The following HARS1 variants were observed in gnomAD, a reference collection of about 807,000 sequenced individuals.
HARS1 encodes the protein histidyl-tRNA synthetase 1.
Under a neutral mutation model 63.6 loss-of-function variants are expected in HARS1, and 45 were observed. The ratio of observed to expected loss-of-function variants is 0.71; its 90% CI spans 0.56 to 0.91. The LOEUF is 0.91. HARS1 is among the 40% of genes least tolerant of loss of function. The pLI, the probability that HARS1 is intolerant of heterozygous loss-of-function variation, is 0.00. For synonymous variants in HARS1, 205 were observed against 247.1 expected, an observed-to-expected ratio of 0.83 and a Z score of 1.60; for missense variants, 508 against 643.2, an observed-to-expected ratio of 0.79 and a Z score of 2.27.
chr5:140,687,631 ATTAAT>A (rs1418818896), intron 2 of HARS1: 10 of 152,106 alleles, frequency 6.6e-5, no homozygotes, highest in Admixed American at 3.9e-4. Flanking sequence ...TAATTAATTA[ATTAAT>A]TTATTTATTT....
At chr5:140,689,359 C>G (rs1285993121) in intron 2 of HARS1, among the ~76,000 whole-genome samples, 1 of 152,170 alleles carries the variant, frequency 6.6e-6, no homozygotes, top group Non-Finnish European at 1.5e-5. Flanking sequence ...TTTAAATAGT[C>G]TCTAGAGTGT....
chr5:140,681,052 C>T (rs1758701442), intron 3 of HARS1, among the ~76,000 whole-genome samples: 1 of 151,962 alleles, frequency 6.6e-6, no homozygotes, highest in Non-Finnish European at 1.5e-5. Flanking sequence ...CAGTCCTTGC[C>T]CTGTGATGTC....
chr5:140,684,303 A>C, intron 2 of HARS1: 2 of 950,264 alleles, frequency 2.1e-6, no homozygotes, highest in African/African-American at 3.7e-5. Context: ...AAAAACAAAA[A>C]CAAAAACAAA....
chr5:140,680,086 A>G (rs1220312786), intron 3 of HARS1, among the ~76,000 whole-genome samples: 1 of 151,964 alleles, frequency 6.6e-6, no homozygotes. Flanking sequence ...ACAGAGCTGA[A>G]GTATTTTTCT....
chr5:140,682,422 G>C (rs989590819), intron 3 of HARS1, among the ~76,000 whole-genome samples: 2 of 152,190 alleles, frequency 1.3e-5, no homozygotes, highest in African/African-American at 2.4e-5. Context: ...AAAATAGCAT[G>C]AGATGAGGTA....
intron 12 of HARS1, 119 bp downstream of exon 12, chr5:140,674,560 G>A (rs1758242143): frequency 8.7e-7 from 1 of 1,155,254 alleles, no homozygotes. Context: ...AAGCCCTCAA[G>A]GCTTTTATGA....
In HARS1 at chr5:140,676,712, C is replaced by G. The variant is rs1758384765; in HGVS notation, c.1136G>C (p.Cys379Ser). The G allele has an allele frequency of 6.2e-7, 1 of 1,614,238 alleles. No homozygotes were observed. Among genetic ancestry groups the G allele is most frequent in the Non-Finnish European group, 8.5e-7 (1 of 1,180,046 alleles). Residue 379 changes from cysteine to serine, a missense_variant, in exon 10 of 13, where the codon TGT becomes TCT. This residue lies in a region of HARS1 where 403 missense variants were observed against 548.7 expected (regional missense o/e 0.73). Coordinates refer to ENST00000504156, the MANE Select transcript of HARS1 (RefSeq NM_002109.6). This position sits in a 1 kb window ranked among gnomAD's most constrained non-coding sequence, Gnocchi z 4.1. ...MFDPKGRKVP[C>S]VGLSIGVERI... ...CTCCACCCCAATGCTGAGCCCCACA[C>G]ATGGCACCTTGCGCCCTTTGGGGTC...
chr5:140,683,139 G>A lies in HARS1; in HGVS notation c.261C>T (p.His87=), dbSNP rs181930530. Residue 87 remains histidine, a synonymous_variant, in exon 3 of 13, where the codon CAC becomes CAT. Coordinates refer to ENST00000504156, the MANE Select transcript of HARS1 (RefSeq NM_002109.6). ...CAGGTGTATCAATGACTTCTGCACC[G>A]TGGCGCTTGAAGCAACGGATGATTA... The part of the protein sequence containing the change: ...FDVIIRCFKR[H]GAEVIDTPVF... 9 of 1,613,848 alleles carry A rather than the reference G, an allele frequency of 5.6e-6. No homozygotes were observed. The highest frequency in any genetic ancestry group is 3.3e-4 in the Middle Eastern group (2 of 6,062).
chr5:140,677,854 T>C, intron 6 of HARS1, 54 bp downstream of exon 6: 1 of 1,410,542 alleles, frequency 7.1e-7, no homozygotes, highest in Non-Finnish European at 1.0e-6. Flanking sequence ...ACAAGGATCT[T>C]CTCTTGTGAG....
intron 10 of HARS1, chr5:140,675,911 C>G (rs1199363973): frequency 2.0e-5 from 3 of 152,124 alleles, no homozygotes; most frequent in African/African-American, 7.2e-5. Flanking sequence ...TGGTTTCCAC[C>G]CTAGAGAAAA....
At chr5:140,691,097 C>T (rs1759396712) in intron 1 of HARS1, 118 bp downstream of exon 1, 2 of 942,328 alleles carry the variant, frequency 2.1e-6, no homozygotes, top group African/African-American at 1.6e-5. Context: ...ACGCAGCCCA[C>T]TCTCCTCCCT....
At position 140,674,308 on chromosome 5, in the gene HARS1, G is replaced by C; in HGVS notation, c.1479C>G (p.Asp493Glu). 1 of 1,611,728 alleles carries C rather than the reference G, an allele frequency of 6.2e-7. No homozygotes were observed. The highest frequency in any genetic ancestry group is 1.1e-5 in the South Asian group (1 of 91,034). ...SREEVDVRRE[D>E]LVEEIKRRTG... ...TTCTCCTTTTGATTTCCTCCACAAG[G>C]TCTTCTCTTCGGACATCCACCTGGC... Residue 493 changes from aspartate to glutamate, a missense_variant, in exon 13 of 13, where the codon GAC (aspartate) becomes GAG (glutamate). Physicochemically the swap from Asp to Glu is conservative, Grantham distance 45. Coordinates refer to ENST00000504156, the MANE Select transcript of HARS1 (RefSeq NM_002109.6).
Position 140,674,111 on chromosome 5 carries a change from T to C in HARS1, c.*146A>G, listed in dbSNP as rs931160934. ...CCAGTAATAATCAATAAAATAACCA[T>C]AATAAAAATCAAAGGCTCTGTTCTG... is the stretch of plus-strand genomic sequence containing the variant. On this transcript the variant is annotated 3_prime_UTR_variant, in exon 13 of 13. Transcript: ENST00000504156. 5 of 696,604 alleles carry C rather than the reference T, an allele frequency of 7.2e-6. No individual in the cohort carries two copies. Among genetic ancestry groups the C allele is most frequent in the Non-Finnish European group, 1.3e-5 (5 of 376,120 alleles). 43.2% of individuals were successfully genotyped at this position (696,604 alleles called of 1,614,324 possible).
Position 140,674,689 on chromosome 5 carries a change from C to A in HARS1, c.1448G>T (p.Ser483Ile). Reference sequence around the variant, plus strand: ...GCCCACCTCCCTCACCTCTTCCCTGCTCGTCACTGAACGGAGCTTGATGAC... The same window carrying A: ...GCCCACCTCCCTCACCTCTTCCCTGATCGTCACTGAACGGAGCTTGATGAC... ...DGVIKLRSVTSREEVDVRRED... is the reference protein window; with the variant it reads ...DGVIKLRSVTIREEVDVRRED... Residue 483 changes from serine (S) to isoleucine (I), a missense_variant, in exon 12 of 13, where the codon AGC becomes ATC. Around this residue, in one of 2 missense-constraint regions of HARS1, gnomAD observed 403 missense variants for 548.7 expected, o/e 0.73. Transcript: ENST00000504156. 1 of 1,614,250 alleles carries A rather than the reference C, an allele frequency of 6.2e-7. No individual in the cohort carries two copies. Among genetic ancestry groups the A allele is most frequent in the Non-Finnish European group, 8.5e-7 (1 of 1,180,046 alleles).
intron 2 of HARS1, chr5:140,683,630 G>C (rs534719041): frequency 4.4e-6 from 1 of 227,864 alleles, no homozygotes; most frequent in Admixed American, 6.1e-5. Flanking sequence ...TCAGGGGTTC[G>C]AGACCAGCCT....
rs1346250392 is a variant in HARS1, at chr5:140,673,973, C to T, written c.*284G>A. ...GGGGAGGCATCTGCTCCAACTGGTG[C>T]GGGGCCCTGCAGATGGGACCATCTC... On this transcript the variant is annotated 3_prime_UTR_variant, in exon 13 of 13. Transcript: ENST00000504156. 4 of 572,810 alleles carry T rather than the reference C, an allele frequency of 7.0e-6. No homozygotes were observed. The highest frequency in any genetic ancestry group is 4.0e-5 in the South Asian group (2 of 49,696). 35.5% of individuals were successfully genotyped at this position (572,810 alleles called of 1,614,324 possible). A position where few individuals can be genotyped will look rare whatever the true frequency, so the allele number is the denominator to read the frequency against.
chr5:140,674,337 G>C lies in HARS1; in HGVS notation c.1459-9C>G. 1 of 1,593,824 alleles carries C rather than the reference G, an allele frequency of 6.3e-7. No individual in the cohort carries two copies. The highest frequency in any genetic ancestry group is 8.6e-7 in the Non-Finnish European group (1 of 1,161,416). On this transcript the variant is annotated splice_polypyrimidine_tract_variant and intron_variant, in intron 12 of 12. Coordinates refer to ENST00000504156, the MANE Select transcript of HARS1 (RefSeq NM_002109.6). Reference sequence around the variant, plus strand: ...TCTCTTCGGACATCCACCTGGCCAGGATGGGAGAAGAAGGTGGTATAAGCA... The same window carrying C: ...TCTCTTCGGACATCCACCTGGCCAGCATGGGAGAAGAAGGTGGTATAAGCA...
chr5:140,690,857 TGG>T lies in HARS1; in HGVS notation c.176_177del (p.Pro59GlnfsTer7). On this transcript the variant is annotated frameshift_variant, in exon 2 of 13. Coordinates refer to ENST00000504156, the MANE Select transcript of HARS1 (RefSeq NM_002109.6). LOFTEE classifies it high-confidence loss of function. ...ESKQKFVLKT[P>X]KGTRDYSPRQ... is the part of the protein sequence containing the mutation. Reference sequence around the variant, plus strand: ...GCTCCCTACAGGAATGATATTACCTTGGGGGTTTTGAGCACAAATTTCTGTTT... The same window carrying T: ...GCTCCCTACAGGAATGATATTACCTTGGGTTTTGAGCACAAATTTCTGTTT... 6.4e-7 allele frequency: 1 copy of T among 1,563,914 alleles called. No homozygotes were observed. Among genetic ancestry groups the T allele is most frequent in the Non-Finnish European group, 8.8e-7 (1 of 1,134,082 alleles).
intron 12 of HARS1, 116 bp from the exon 13 acceptor site, chr5:140,674,444 CTAAT>C: frequency 2.3e-6 from 2 of 853,070 alleles, no homozygotes; most frequent in Non-Finnish European, 3.9e-6. Flanking sequence ...GAGCAGGAAC[CTAAT>C]TAAACACCTC....
Sources: allele counts gnomAD v4.1 joint callset (sites outside exome capture counted in the v4.1 genomes callset), GRCh38; gene constraint gnomAD v4.1.1; regional missense constraint gnomAD v4.1.1; non-coding constraint Gnocchi (gnomAD v3.1); transcripts MANE v1.5; gene names NCBI Gene and HGNC (gene_info 2026-07-23, HGNC 2026-07-21).